Variants in CDH4 observed in about 807,000 individuals in gnomAD.
CDH4 encodes the protein cadherin 4.
In CDH4, 33 loss-of-function variants were observed where a neutral mutation model predicts 86.0. The observed-to-expected ratio is 0.38, with a 90% CI of 0.29 to 0.51. The LOEUF is 0.51. CDH4 is among the 20% of genes least tolerant of loss of function. The pLI is 0.86. For missense variants in CDH4, 1,114 were observed against 1,307.4 expected, an observed-to-expected ratio of 0.85 and a Z score of 2.28; for synonymous variants, 555 against 549.4, an observed-to-expected ratio of 1.01 and a Z score of -0.14.
intron 3 of CDH4, among the ~76,000 whole-genome samples, chr20:61,765,690 T>G (rs1486433877): frequency 1.3e-5 from 2 of 151,984 alleles, no homozygotes; most frequent in African/African-American, 4.8e-5. Context: ...GTGGCACATT[T>G]CAGGAACAGC....
At chr20:61,342,332 A>T (rs534139239) in intron 2 of CDH4, among the ~76,000 whole-genome samples, 3 of 152,320 alleles carry the variant, frequency 2.0e-5, no homozygotes, top group African/African-American at 7.2e-5. Context: ...ACTCACCATG[A>T]CGTACAGTCA....
At chr20:61,644,313 C>A (rs1463597706) in intron 2 of CDH4, among the ~76,000 whole-genome samples, 1 of 152,214 alleles carries the variant, frequency 6.6e-6, no homozygotes, top group African/African-American at 2.4e-5. Flanking sequence ...CGGAGCACTC[C>A]TGAGGGTGGA....
At chr20:61,718,645 C>T (rs1381395149) in intron 2 of CDH4, 4 of 382,014 alleles carry the variant, frequency 1.0e-5, no homozygotes, top group Admixed American at 3.3e-5. Flanking sequence ...AGAAGCCTTT[C>T]AATGGGACAT....
intron 2 of CDH4, among the ~76,000 whole-genome samples, chr20:61,466,637 A>G (rs767948649): frequency 1.3e-5 from 2 of 152,084 alleles, no homozygotes; most frequent in African/African-American, 2.4e-5. Flanking sequence ...TGAGGCCGGG[A>G]GTTCAAGATC....
Position 61,534,640 on chromosome 20 carries a change from CTTTCTTTCT to C in CDH4, c.170-208911_170-208903del, listed in dbSNP as rs1185337269. On this transcript the variant is annotated intron_variant, in intron 2 of 15. Coordinates refer to ENST00000614565, the MANE Select transcript of CDH4 (RefSeq NM_001794.5). ...ATTCTAAGTGGTGGTTTTTTCTTTT[CTTTCTTTCT>C]TTTCTTTCTTTCTTTCTTTTTTTTT... Among the ~76,000 whole-genome samples the C allele has an allele frequency of 1.6e-3, 171 of 104,448 alleles. 1 individual carries two copies. The highest frequency in any genetic ancestry group is 5.9e-3 in the East Asian group (17 of 2,862). The allele number at this position is 104,448 out of a possible 152,430, so 68.5% of individuals were successfully genotyped here. A position where few individuals can be genotyped will look rare whatever the true frequency, so the allele number is the denominator to read the frequency against.
chr20:61,346,680 G>A (rs1201614282), intron 2 of CDH4, among the ~76,000 whole-genome samples: 1 of 151,636 alleles, frequency 6.6e-6, no homozygotes, highest in East Asian at 2.0e-4. Flanking sequence ...GGAAGCGGAG[G>A]TTTCAGTGAG....
intron 2 of CDH4, among the ~76,000 whole-genome samples, chr20:61,586,795 C>T (rs1055858543): frequency 6.6e-6 from 1 of 152,104 alleles, no homozygotes; most frequent in Non-Finnish European, 1.5e-5. Context: ...TATGGAGAGA[C>T]AAGAGACACA....
Position 61,648,940 on chromosome 20 carries a change from G to A in CDH4, c.170-94623G>A, listed in dbSNP as rs1030802862. 4.6e-5 allele frequency among the ~76,000 whole-genome samples: 7 copies of A among 152,310 alleles called. No individual in the cohort carries two copies. The South Asian group carries it at 6.2e-4, about 14-fold the overall frequency. ...TCTGTCCTGCAGGTGGCCCCACCTC[G>A]CAGGTGGCCATCGGGGGCCATCTGG... is the stretch of plus-strand genomic sequence containing the variant. On this transcript the variant is annotated intron_variant, in intron 2 of 15. Coordinates refer to ENST00000614565, the MANE Select transcript of CDH4 (RefSeq NM_001794.5).
At position 61,606,842 on chromosome 20, in the gene CDH4, G is replaced by A. The variant is rs115742686; in HGVS notation, c.170-136721G>A. 5.9e-3 allele frequency among the ~76,000 whole-genome samples: 906 copies of A among 152,364 alleles called. 3 individuals are homozygous for A. Among genetic ancestry groups the A allele is most frequent in the Middle Eastern group, 0.024 (7 of 294 alleles). On this transcript the variant is annotated intron_variant, in intron 2 of 15. Coordinates refer to ENST00000614565, the MANE Select transcript of CDH4 (RefSeq NM_001794.5). ...GTGGCCTTGCCTGAAGGTCCCTGGT[G>A]GGATGGATAGTGCGGGACACTGTCC...
chr20:61,839,331 C>G (rs181344351), intron 4 of CDH4, among the ~76,000 whole-genome samples: 2 of 151,002 alleles, frequency 1.3e-5, no homozygotes, highest in Non-Finnish European at 3.0e-5. Flanking sequence ...TGTGTTCGTG[C>G]GTATGCATAT....
At chr20:61,825,774 T>C (rs928249567) in intron 4 of CDH4, among the ~76,000 whole-genome samples, 4 of 152,162 alleles carry the variant, frequency 2.6e-5, no homozygotes, top group African/African-American at 9.7e-5. Flanking sequence ...TTCTCAAACT[T>C]TTCATGTCCA....
At chr20:61,608,292 T>C (rs1202523014) in intron 2 of CDH4, among the ~76,000 whole-genome samples, 1 of 152,204 alleles carries the variant, frequency 6.6e-6, no homozygotes, top group Non-Finnish European at 1.5e-5. Context: ...ATCTTGATGT[T>C]ATCTAGAAAG....
intron 2 of CDH4, among the ~76,000 whole-genome samples, chr20:61,380,443 G>T (rs6121407): frequency 0.037 from 5,658 of 152,108 alleles, 368 homozygotes; most frequent in African/African-American, 0.13. Context: ...ACAGATAGAT[G>T]AGTGATCGGG....
intron 2 of CDH4, among the ~76,000 whole-genome samples, chr20:61,547,841 A>ATG (rs1290638543): frequency 6.6e-6 from 1 of 152,224 alleles, no homozygotes; most frequent in African/African-American, 2.4e-5. Flanking sequence ...ACACGCACAT[A>ATG]TGTGTAAAGC....
chr20:61,379,765 AGG>A (rs1328716338), intron 2 of CDH4, among the ~76,000 whole-genome samples: 2 of 152,200 alleles, frequency 1.3e-5, no homozygotes, highest in African/African-American at 4.8e-5. Context: ...ACTCTACCCA[AGG>A]CTCCTGTGCT....
chr20:61,908,341 G>A (rs1407214699), intron 8 of CDH4, among the ~76,000 whole-genome samples: 2 of 152,128 alleles, frequency 1.3e-5, no homozygotes, highest in Non-Finnish European at 2.9e-5. Flanking sequence ...TTCATTGATT[G>A]GGCCAGCAGG....
At chr20:61,294,099 C>T (rs79624270) in intron 2 of CDH4, among the ~76,000 whole-genome samples, 4 of 152,016 alleles carry the variant, frequency 2.6e-5, no homozygotes, top group African/African-American at 9.7e-5. Flanking sequence ...CTCTGACCTT[C>T]ACAGAGAACC....
In CDH4 at chr20:61,582,361, G is replaced by A. The variant is rs1436280500; in HGVS notation, c.170-161202G>A. On this transcript the variant is annotated intron_variant, in intron 2 of 15. Transcript: ENST00000614565. This position sits in a 1 kb window ranked among gnomAD's most constrained non-coding sequence, Gnocchi z 4.2. ...CTTATTGTTCAAGCGCAGTGAAAAAGGCAGCGTGAGCCCTGGGGCTTTCCC... is the reference window on the plus strand; with the variant it reads ...CTTATTGTTCAAGCGCAGTGAAAAAAGCAGCGTGAGCCCTGGGGCTTTCCC... 6.6e-6 allele frequency among the ~76,000 whole-genome samples: 1 copy of A among 152,200 alleles called. No homozygotes were observed. The highest frequency in any genetic ancestry group is 1.5e-5 in the Non-Finnish European group (1 of 68,018).
intron 4 of CDH4, among the ~76,000 whole-genome samples, chr20:61,784,780 T>A (rs1490109079): frequency 1.3e-5 from 2 of 152,128 alleles, no homozygotes; most frequent in Non-Finnish European, 2.9e-5. Flanking sequence ...TCGGAACAGT[T>A]CTCCAGGCCC....
Sources: allele counts gnomAD v4.1 joint callset (sites outside exome capture counted in the v4.1 genomes callset), GRCh38; gene constraint gnomAD v4.1.1; non-coding constraint Gnocchi (gnomAD v3.1); transcripts MANE v1.5; gene names NCBI Gene and HGNC (gene_info 2026-07-23, HGNC 2026-07-21).